DCC: variants seen among roughly 807,000 people sequenced by gnomAD.
The protein encoded by DCC is netrin receptor DCC.
In DCC, 58 loss-of-function variants were observed where a neutral mutation model predicts 172.5. The ratio of observed to expected loss-of-function variants is 0.34; its 90% CI spans 0.27 to 0.42. The LOEUF is 0.42. Among genes scored for constraint, DCC ranks in the 10% least tolerant of loss-of-function variants. The probability of loss-of-function intolerance (pLI) is 1.00; values close to 1 mark genes in which losing one functional copy is unlikely to be tolerated. For missense variants in DCC, 1,740 were observed against 1,791.0 expected (o/e 0.97, Z 0.51); for synonymous variants, 709 against 644.5 (o/e 1.10, Z -1.52).
At chr18:52,655,306 A>C (rs762433062) in intron 1 of DCC, among the ~76,000 whole-genome samples, 1 of 152,110 alleles carries the variant, frequency 6.6e-6, no homozygotes, top group Non-Finnish European at 1.5e-5. Flanking sequence ...GTCTTAAGAG[A>C]AGGTGAAACC....
At chr18:52,477,876 CAT>C (rs1294556272) in intron 1 of DCC, among the ~76,000 whole-genome samples, 3 of 152,134 alleles carry the variant, frequency 2.0e-5, no homozygotes, top group East Asian at 1.9e-4. Flanking sequence ...GTGGCACAAA[CAT>C]GTGTCACTGC....
chr18:52,558,737 T>C (rs1043870902), intron 1 of DCC, among the ~76,000 whole-genome samples: 5 of 152,062 alleles, frequency 3.3e-5, no homozygotes, highest in African/African-American at 1.2e-4. Flanking sequence ...GAATTTTAAA[T>C]GAAAAATGAA....
intron 20 of DCC, among the ~76,000 whole-genome samples, chr18:53,413,779 A>G (rs1230162001): frequency 6.6e-6 from 1 of 152,272 alleles, no homozygotes; most frequent in African/African-American, 2.4e-5. Flanking sequence ...TGATGAGGAT[A>G]GTTTCTTAAA....
At chr18:52,810,321 G>A (rs2038170500) in intron 2 of DCC, among the ~76,000 whole-genome samples, 1 of 152,138 alleles carries the variant, frequency 6.6e-6, no homozygotes, top group African/African-American at 2.4e-5. Context: ...TGGGGAGTGA[G>A]AACGATGCAA....
intron 21 of DCC, among the ~76,000 whole-genome samples, chr18:53,428,808 T>C (rs1451661228): frequency 7.3e-4 from 24 of 32,794 alleles, no homozygotes; most frequent in African/African-American, 2.1e-3. Context: ...TATTATATAT[T>C]TTATATATAA....
intron 5 of DCC, among the ~76,000 whole-genome samples, chr18:52,985,697 A>T (rs1252633989): frequency 6.6e-6 from 1 of 151,788 alleles, no homozygotes. Flanking sequence ...CCATTATTAG[A>T]TAGATGTTGG....
chr18:53,419,972 G>C (rs987045529), intron 21 of DCC, among the ~76,000 whole-genome samples: 1 of 151,986 alleles, frequency 6.6e-6, no homozygotes, highest in Non-Finnish European at 1.5e-5. Context: ...TCCTGCCTCA[G>C]CCTCCTGAGT....
At chr18:52,388,686 T>C (rs967383729) in intron 1 of DCC, among the ~76,000 whole-genome samples, 1 of 152,084 alleles carries the variant, frequency 6.6e-6, no homozygotes, top group African/African-American at 2.4e-5. Flanking sequence ...GTGAGATGTA[T>C]TCTTTGGACA....
chr18:52,761,154 G>A (rs1305613925), intron 2 of DCC, among the ~76,000 whole-genome samples: 1 of 152,160 alleles, frequency 6.6e-6, no homozygotes, highest in African/African-American at 2.4e-5. Context: ...AAGGCAAGGA[G>A]GAGCAAGTCA....
intron 15 of DCC, among the ~76,000 whole-genome samples, chr18:53,341,345 C>CA (rs911862866): frequency 2.9e-4 from 44 of 151,946 alleles, no homozygotes; most frequent in Non-Finnish European, 4.0e-4. Context: ...TCTTCGTTAC[C>CA]AAAAAAAACT....
chr18:53,105,526 A>C (rs962146036), intron 7 of DCC, among the ~76,000 whole-genome samples: 3 of 152,038 alleles, frequency 2.0e-5, no homozygotes, highest in Admixed American at 2.0e-4. Flanking sequence ...TTAAGTAATC[A>C]GATTTCAGAC....
chr18:52,369,298 G>T (rs1482913496), intron 1 of DCC, among the ~76,000 whole-genome samples: 1 of 151,484 alleles, frequency 6.6e-6, no homozygotes, highest in Non-Finnish European at 1.5e-5. Context: ...CCCCACTTTA[G>T]ATCCTTCAAT....
At chr18:53,258,105 C>A (rs1299023323) in intron 12 of DCC, among the ~76,000 whole-genome samples, 1 of 151,886 alleles carries the variant, frequency 6.6e-6, no homozygotes, top group Non-Finnish European at 1.5e-5. Flanking sequence ...TCTCTGTTTT[C>A]TTCTTTATTA....
intron 12 of DCC, among the ~76,000 whole-genome samples, chr18:53,272,565 G>A (rs2056761111): frequency 6.6e-6 from 1 of 151,992 alleles, no homozygotes; most frequent in South Asian, 2.1e-4. Flanking sequence ...ATGACACACT[G>A]GTTCACATCT....
At chr18:53,329,654 A>T (rs1417318053) in intron 14 of DCC, among the ~76,000 whole-genome samples, 1 of 152,162 alleles carries the variant, frequency 6.6e-6, no homozygotes, top group Non-Finnish European at 1.5e-5. Context: ...ACTGATCATT[A>T]TTACATTAGT....
At chr18:53,430,084 A>T (rs532318958) in intron 21 of DCC, among the ~76,000 whole-genome samples, 1 of 152,210 alleles carries the variant, frequency 6.6e-6, no homozygotes, top group East Asian at 1.9e-4. Context: ...GGACAGTAAA[A>T]TTATATTCAG....
At chr18:52,478,596 G>C (rs1018121798) in intron 1 of DCC, among the ~76,000 whole-genome samples, 2 of 152,190 alleles carry the variant, frequency 1.3e-5, no homozygotes, top group Non-Finnish European at 2.9e-5. Context: ...GGCTGTACAG[G>C]AAGCATGCTG....
At chr18:53,060,502 G>A (rs2042478458) in intron 5 of DCC, among the ~76,000 whole-genome samples, 1 of 152,098 alleles carries the variant, frequency 6.6e-6, no homozygotes, top group Admixed American at 6.6e-5. Flanking sequence ...TGTGATGACG[G>A]AAGCCTAAGA....
At chr18:52,716,356 C>T (rs1203457355) in intron 1 of DCC, among the ~76,000 whole-genome samples, 3 of 152,210 alleles carry the variant, frequency 2.0e-5, no homozygotes, top group Non-Finnish European at 4.4e-5. Context: ...CTCTTGCTCA[C>T]TTGTCAACCC....
Sources: allele counts gnomAD v4.1 joint callset (sites outside exome capture counted in the v4.1 genomes callset), GRCh38; gene constraint gnomAD v4.1.1; transcripts MANE v1.5; gene names NCBI Gene and HGNC (gene_info 2026-07-23, HGNC 2026-07-21).